Variants in LRP1B observed in about 807,000 individuals in gnomAD.
LRP1B encodes LDL receptor related protein 1B.
Under a neutral mutation model 556.6 loss-of-function variants are expected in LRP1B, and 217 were observed. That is an observed-to-expected ratio of 0.39 (90% CI 0.35 to 0.44). The LOEUF is 0.44. Among genes scored for constraint, LRP1B ranks in the 20% least tolerant of loss-of-function variants. The pLI is 1.00. For synonymous variants in LRP1B, 2,047 were observed against 1,865.8 expected, an observed-to-expected ratio of 1.10 and a Z score of -2.50; for missense variants, 5,053 against 5,620.8, an observed-to-expected ratio of 0.90 and a Z score of 3.23.
intron 2 of LRP1B, among the ~76,000 whole-genome samples, chr2:141,561,305 C>A (rs929296996): frequency 6.6e-6 from 1 of 151,612 alleles, no homozygotes; most frequent in Non-Finnish European, 1.5e-5. Context: ...AGAACTTAAG[C>A]CAACTTCTAT....
intron 3 of LRP1B, among the ~76,000 whole-genome samples, chr2:141,361,480 T>C (rs954251647): frequency 5.3e-5 from 8 of 152,122 alleles, no homozygotes; most frequent in Admixed American, 4.6e-4. Flanking sequence ...TCAGCAGTGA[T>C]CTCCTTAGGA....
intron 5 of LRP1B, among the ~76,000 whole-genome samples, chr2:141,237,361 T>G (rs1573695177): frequency 1.3e-5 from 2 of 151,246 alleles, no homozygotes; most frequent in African/African-American, 2.4e-5. Flanking sequence ...GTGTTTTTTT[T>G]TTTTTTTTTT....
chr2:140,331,362 G>T (rs1447932367), intron 79 of LRP1B, among the ~76,000 whole-genome samples: 1 of 152,010 alleles, frequency 6.6e-6, no homozygotes, highest in Non-Finnish European at 1.5e-5. Flanking sequence ...CCACACACTT[G>T]ATTGAAACAA....
At chr2:141,939,123 G>A (rs557803677) in intron 1 of LRP1B, among the ~76,000 whole-genome samples, 50 of 151,216 alleles carry the variant, frequency 3.3e-4, no homozygotes, top group Non-Finnish European at 6.8e-4. Flanking sequence ...TGCTAGGAGT[G>A]TAGATTTCAG....
intron 6 of LRP1B, among the ~76,000 whole-genome samples, chr2:141,216,445 G>A (rs960373331): frequency 1.3e-5 from 2 of 152,208 alleles, no homozygotes; most frequent in Non-Finnish European, 2.9e-5. Flanking sequence ...CTAGGTAAGT[G>A]CAGAGGGGAA....
At chr2:141,503,370 C>T (rs1464492771) in intron 2 of LRP1B, among the ~76,000 whole-genome samples, 1 of 151,164 alleles carries the variant, frequency 6.6e-6, no homozygotes, top group East Asian at 1.9e-4. Context: ...TCCCTAACTA[C>T]TTCTGATATT....
At chr2:140,827,315 C>G (rs1460245096) in intron 31 of LRP1B, among the ~76,000 whole-genome samples, 2 of 152,060 alleles carry the variant, frequency 1.3e-5, no homozygotes, top group Non-Finnish European at 1.5e-5. Context: ...TTTGTGAGCT[C>G]TCAGATCAAG....
chr2:140,293,848 A>G (rs193170455), intron 84 of LRP1B, among the ~76,000 whole-genome samples: 2 of 152,292 alleles, frequency 1.3e-5, no homozygotes, highest in East Asian at 3.9e-4. Flanking sequence ...TTCTGACTAT[A>G]ATATTACTAC....
Position 141,528,291 on chromosome 2 carries a change from T to G in LRP1B, c.206-47758A>C, listed in dbSNP as rs1483142. ...CCCGTTGTAGTTGTCCAGAAAAATT[T>G]GTGATAAATTCCTGATACGGTAACT... On this transcript the variant is annotated intron_variant, in intron 2 of 90. Transcript: ENST00000389484. Among the ~76,000 whole-genome samples, 338 of 152,000 alleles carry G rather than the reference T, an allele frequency of 2.2e-3. 15 individuals carry two copies. The East Asian group carries it at 0.055, about 25-fold the overall frequency.
At chr2:141,326,379 A>G (rs765108768) in intron 3 of LRP1B, among the ~76,000 whole-genome samples, 1 of 152,170 alleles carries the variant, frequency 6.6e-6, no homozygotes, top group East Asian at 1.9e-4. Context: ...AAAGGAAAGG[A>G]CATTATAATC....
chr2:140,252,101 A>G (rs7425727), intron 86 of LRP1B, among the ~76,000 whole-genome samples: 1 of 147,446 alleles, frequency 6.8e-6, no homozygotes, highest in Non-Finnish European at 1.5e-5. Context: ...CCAAAAAACA[A>G]AAAAAAACAG....
intron 2 of LRP1B, among the ~76,000 whole-genome samples, chr2:141,644,193 C>T (rs1689460568): frequency 6.6e-6 from 1 of 152,082 alleles, no homozygotes; most frequent in Non-Finnish European, 1.5e-5. Flanking sequence ...CAAATCTCAT[C>T]TTGAATTGTA....
intron 66 of LRP1B, among the ~76,000 whole-genome samples, chr2:140,407,582 C>G (rs1201565906): frequency 6.6e-6 from 1 of 151,998 alleles, no homozygotes; most frequent in Non-Finnish European, 1.5e-5. Flanking sequence ...AAAAAATGCT[C>G]AACATTACTG....
chr2:140,533,461 T>A (rs1272108558), intron 47 of LRP1B, among the ~76,000 whole-genome samples: 2 of 152,106 alleles, frequency 1.3e-5, no homozygotes, highest in African/African-American at 4.8e-5. Flanking sequence ...TGGAAAATGT[T>A]AAACAGTATT....
intron 3 of LRP1B, among the ~76,000 whole-genome samples, chr2:141,270,278 C>A (rs1685040515): frequency 6.6e-6 from 1 of 152,058 alleles, no homozygotes. Context: ...ACTAAACACA[C>A]AAACAAACAC....
At chr2:140,765,159 A>G (rs909705649) in intron 35 of LRP1B, among the ~76,000 whole-genome samples, 1 of 152,110 alleles carries the variant, frequency 6.6e-6, no homozygotes, top group Non-Finnish European at 1.5e-5. Flanking sequence ...CAAGCAACTT[A>G]GACGTGAAGT....
At chr2:141,519,387 A>G (rs1196228738) in intron 2 of LRP1B, among the ~76,000 whole-genome samples, 4 of 26,332 alleles carry the variant, frequency 1.5e-4, no homozygotes, top group East Asian at 1.4e-3. Flanking sequence ...ATATATATAT[A>G]TATATATATA....
rs1574051069 is a variant in LRP1B, at chr2:140,534,291, T to G, written c.7643-151A>C. On this transcript the variant is annotated intron_variant, in intron 46 of 90. Coordinates refer to ENST00000389484, the MANE Select transcript of LRP1B (RefSeq NM_018557.3). ...ATATAATAGCTCTGGATTAGAATGT[T>G]TATGTGTTGTCAAAGAGCAGTTCAT... 6 of 734,652 alleles carry G rather than the reference T, an allele frequency of 8.2e-6. No individual in the cohort carries two copies. In the East Asian group the frequency reaches 1.7e-4, roughly 21 times the overall value. The allele number at this position is 734,652 out of a possible 1,614,324, so 45.5% of individuals were successfully genotyped here. A position where few individuals can be genotyped will look rare whatever the true frequency, so the allele number is the denominator to read the frequency against.
At chr2:140,880,973 AG>A (rs1693454668) in intron 25 of LRP1B, among the ~76,000 whole-genome samples, 1 of 152,168 alleles carries the variant, frequency 6.6e-6, no homozygotes, top group Non-Finnish European at 1.5e-5. Flanking sequence ...GCCACCAAAA[AG>A]CTTAAGATTT....
Sources: allele counts gnomAD v4.1 joint callset (sites outside exome capture counted in the v4.1 genomes callset), GRCh38; gene constraint gnomAD v4.1.1; transcripts MANE v1.5; gene names NCBI Gene and HGNC (gene_info 2026-07-23, HGNC 2026-07-21).